TRPM1: variants seen among roughly 807,000 people sequenced by gnomAD.
The protein encoded by TRPM1 is transient receptor potential cation channel subfamily M member 1, also known as TRPM1-203 APA Isoform, Intron 10.
TRPM1 carries 113 observed loss-of-function variants against 149.4 expected under a neutral mutation model. The observed-to-expected ratio is 0.76, with a 90% CI of 0.65 to 0.88. The LOEUF is 0.88. Ranked by LOEUF, TRPM1 falls within the 40% of genes least tolerant of loss-of-function variation. TRPM1 has a pLI of 0.00. For missense variants in TRPM1, 1,976 were observed against 2,038.7 expected, an observed-to-expected ratio of 0.97 and a Z score of 0.59; for synonymous variants, 741 against 759.5, an observed-to-expected ratio of 0.98 and a Z score of 0.40.
chr15:31,051,293 C>T (rs1024059068), intron 11 of TRPM1, among the ~76,000 whole-genome samples: 5 of 152,212 alleles, frequency 3.3e-5, no homozygotes, highest in Non-Finnish European at 7.3e-5. Context: ...CAACCGGACC[C>T]TCCAGCTGGC....
intron 1 of TRPM1, among the ~76,000 whole-genome samples, chr15:31,145,820 T>C (rs560320967): frequency 7.2e-5 from 11 of 152,064 alleles, no homozygotes; most frequent in African/African-American, 2.4e-4. Context: ...GGTTTGGTTA[T>C]AGGGTTGTCT....
chr15:31,049,602 A>G, intron 12 of TRPM1, 93 bp from the exon 13 acceptor site: 2 of 1,460,466 alleles, frequency 1.4e-6, no homozygotes, highest in Non-Finnish European at 1.9e-6. Flanking sequence ...GGTATTCCGA[A>G]CGCCAGATTC....
intron 23 of TRPM1, 134 bp downstream of exon 23, chr15:31,030,849 A>G: frequency 1.0e-6 from 1 of 982,316 alleles, no homozygotes; most frequent in South Asian, 1.4e-5. Context: ...TTTCTTTGTA[A>G]AATAATTTGA....
chr15:31,046,284 G>A lies in TRPM1; in HGVS notation c.1765-51C>T, dbSNP rs77155500. ...AAATCAATTTACTTAGATAACTAAT[G>A]TTAGTAGTACATTAGCAGTATTGTT... On this transcript the variant is annotated intron_variant, in intron 15 of 27. Transcript: ENST00000256552. The A allele has an allele frequency of 1.7e-3, 2,635 of 1,555,904 alleles. 50 individuals carry two copies. In the African/African-American group the frequency reaches 0.034, roughly 20 times the overall value.
At chr15:31,150,670 G>A (rs1343201526) in intron 1 of TRPM1, among the ~76,000 whole-genome samples, 6 of 152,016 alleles carry the variant, frequency 3.9e-5, no homozygotes, top group African/African-American at 1.2e-4. Context: ...TCCTGACCTC[G>A]TGATCCACCC....
In TRPM1 at chr15:31,037,798, G is replaced by T. The variant is rs1304029600; in HGVS notation, c.2484C>A (p.Asn828Lys). The change falls in exon 20 of 28, where the codon AAC (asparagine) becomes AAA (lysine). Residue 828 changes from asparagine (N) to lysine (K), a missense_variant. This residue lies in a region of TRPM1 where 1,332 missense variants were observed against 1,347.1 expected (regional missense o/e 0.99). Transcript: ENST00000256552. Reference sequence around the variant, plus strand: ...GAATACTTCTCTGTTTTTTGTGCTCGTTCTCCTCATCCCCCTTTCTTGAGC... The same window carrying T: ...GAATACTTCTCTGTTTTTTGTGCTCTTTCTCCTCATCCCCCTTTCTTGAGC... ...DAGSRKGDEE[N>K]EHKKQRSIPI... 2 of 1,614,004 alleles carry T rather than the reference G, an allele frequency of 1.2e-6. No homozygotes were observed. Among genetic ancestry groups the T allele is most frequent in the Non-Finnish European group, 1.7e-6 (2 of 1,180,038 alleles).
chr15:31,013,702 CTTAGTGTAGTTGTTGTTTGT>C (rs1186574590), intron 27 of TRPM1, among the ~76,000 whole-genome samples: 3 of 151,956 alleles, frequency 2.0e-5, no homozygotes, highest in Non-Finnish European at 2.9e-5. Flanking sequence ...GTTGTTATTG[CTTAGTGTAGTTGTTGTTTGT>C]TTAGTGTAGT....
chr15:31,113,638 T>C (rs2035747459), intron 1 of TRPM1, among the ~76,000 whole-genome samples: 1 of 152,146 alleles, frequency 6.6e-6, no homozygotes, highest in African/African-American at 2.4e-5. Context: ...CTGTACAAAT[T>C]ATTTTATCAA....
At chr15:31,126,881 C>T (rs984818553) in intron 1 of TRPM1, among the ~76,000 whole-genome samples, 3 of 152,146 alleles carry the variant, frequency 2.0e-5, no homozygotes, top group Admixed American at 6.5e-5. Context: ...GCACAAGAAT[C>T]GCTTGAACCC....
At position 31,076,920 on chromosome 15, in the gene TRPM1, A is replaced by G. The variant is rs4779816; in HGVS notation, c.68T>C (p.Met23Thr). ...KRECIFVIPS[M>T]KDSNRCCCGQ... ...TTCAATTTACCTGTTAGAGTCTTTCATGCTAGGAATTACAAAGATACATTC... is the reference window on the plus strand; with the variant it reads ...TTCAATTTACCTGTTAGAGTCTTTCGTGCTAGGAATTACAAAGATACATTC... The change falls in exon 3 of 28, where the codon ATG becomes ACG. Residue 23 changes from methionine (M) to threonine (T), a missense_variant. Coordinates refer to ENST00000256552, the MANE Select transcript of TRPM1 (RefSeq NM_001252024.2). The G allele has an allele frequency of 0.82, 1,319,747 of 1,606,726 alleles. 544,125 individuals are homozygous for G. Among genetic ancestry groups the G allele is most frequent in the East Asian group, 0.97 (43,500 of 44,816 alleles).
chr15:31,112,989 T>G (rs997329499), intron 1 of TRPM1, among the ~76,000 whole-genome samples: 1 of 152,204 alleles, frequency 6.6e-6, no homozygotes, highest in East Asian at 1.9e-4. Context: ...TAACACAAGC[T>G]TAACCATCTG....
chr15:31,067,081 T>C lies in TRPM1; in HGVS notation c.600A>G (p.Glu200=), dbSNP rs200934141. The C allele has an allele frequency of 2.0e-3, 3,220 of 1,614,174 alleles. 3 individuals are homozygous for C. Among genetic ancestry groups the C allele is most frequent in the Non-Finnish European group, 2.4e-3 (2,805 of 1,180,028 alleles). ...CACTTACATCCTTTCCAACCAGGTCTTCCTTATTCTCCACGATGCCCCATG... is the reference window on the plus strand; with the variant it reads ...CACTTACATCCTTTCCAACCAGGTCCTCCTTATTCTCCACGATGCCCCATG... The part of the protein sequence containing the change: ...IAPWGIVENK[E]DLVGKDVTRV... The change falls in exon 6 of 28, where the codon GAA becomes GAG. Residue 200 remains glutamate (E), a synonymous_variant. Transcript: ENST00000256552.
In TRPM1 at chr15:31,040,067, G is replaced by A; in HGVS notation, c.2316+51C>T. ...AAAGTGCTCAGTTCAGCCTGGCAGA[G>A]AGTCACTTGTCACTGTCACCCTGGC... On this transcript the variant is annotated intron_variant, in intron 18 of 27. Coordinates refer to ENST00000256552, the MANE Select transcript of TRPM1 (RefSeq NM_001252024.2). This position sits in a 1 kb window ranked among gnomAD's most constrained non-coding sequence, Gnocchi z 4.2. 4 of 1,528,280 alleles carry A rather than the reference G, an allele frequency of 2.6e-6. No homozygotes were observed. The highest frequency in any genetic ancestry group is 3.6e-6 in the Non-Finnish European group (4 of 1,102,272). 94.7% of individuals were successfully genotyped at this position (1,528,280 alleles called of 1,614,324 possible). A position where few individuals can be genotyped will look rare whatever the true frequency, so the allele number is the denominator to read the frequency against.
At chr15:31,010,386 C>G (rs1172091917) in intron 27 of TRPM1, among the ~76,000 whole-genome samples, 3 of 152,184 alleles carry the variant, frequency 2.0e-5, no homozygotes, top group South Asian at 4.1e-4. Context: ...TGAGATCTTT[C>G]TTCTTTTTAC....
chr15:31,083,804 C>T (rs2034925515), intron 1 of TRPM1, among the ~76,000 whole-genome samples: 1 of 152,182 alleles, frequency 6.6e-6, no homozygotes, highest in Non-Finnish European at 1.5e-5. Flanking sequence ...CTGCAGAGAG[C>T]ACAGGTAGGA....
At chr15:31,098,639 C>T (rs1027723408) in intron 1 of TRPM1, among the ~76,000 whole-genome samples, 3 of 152,152 alleles carry the variant, frequency 2.0e-5, no homozygotes, top group Non-Finnish European at 4.4e-5. Context: ...AAGCTTTCCA[C>T]CTCACCAAGC....
chr15:31,067,834 C>G, intron 5 of TRPM1, 45 bp downstream of exon 5: 1 of 1,593,218 alleles, frequency 6.3e-7, no homozygotes, highest in Non-Finnish European at 8.6e-7. Flanking sequence ...ACAGTGAGTT[C>G]TGGGTGGTAC....
At chr15:31,140,212 C>CAAAAA (rs34651089) in intron 1 of TRPM1, among the ~76,000 whole-genome samples, 13 of 103,190 alleles carry the variant, frequency 1.3e-4, no homozygotes, top group African/African-American at 4.8e-4. Flanking sequence ...ACTAAAAATA[C>CAAAAA]AAAAAAAAAA....
intron 20 of TRPM1, 79 bp from the exon 21 acceptor site, chr15:31,035,753 G>T (rs2033339881): frequency 6.3e-7 from 1 of 1,593,558 alleles, no homozygotes; most frequent in East Asian, 2.2e-5. Flanking sequence ...TTTCTTTCAG[G>T]TTGACACATC....
Sources: allele counts gnomAD v4.1 joint callset (sites outside exome capture counted in the v4.1 genomes callset), GRCh38; gene constraint gnomAD v4.1.1; regional missense constraint gnomAD v4.1.1; non-coding constraint Gnocchi (gnomAD v3.1); transcripts MANE v1.5; gene names NCBI Gene and HGNC (gene_info 2026-07-23, HGNC 2026-07-21).